The following AGMO variants were observed in gnomAD, a reference collection of about 807,000 sequenced individuals.
AGMO encodes the protein glyceryl-ether monooxygenase.
In AGMO, 75 loss-of-function variants were observed where a neutral mutation model predicts 60.2. The observed-to-expected ratio is 1.25, with a 90% CI of 1.03 to 1.51. The LOEUF is 1.51. AGMO is among the 40% of genes most tolerant of loss of function. AGMO has a pLI of 0.00. For synonymous variants in AGMO, 261 were observed against 177.1 expected, an observed-to-expected ratio of 1.47 and a Z score of -3.76; for missense variants, 763 against 525.5, an observed-to-expected ratio of 1.45 and a Z score of -4.42.
chr7:15,487,639 T>A (rs1782956331), intron 3 of AGMO, among the ~76,000 whole-genome samples: 1 of 152,136 alleles, frequency 6.6e-6, no homozygotes, highest in Non-Finnish European at 1.5e-5. Flanking sequence ...CTGAACATTA[T>A]GAAAACTAAC....
intron 12 of AGMO, among the ~76,000 whole-genome samples, chr7:15,206,849 C>T (rs544493116): frequency 2.0e-5 from 3 of 152,058 alleles, no homozygotes; most frequent in African/African-American, 4.8e-5. Flanking sequence ...AGCTGAACTC[C>T]GAAAATGGAA....
intron 12 of AGMO, among the ~76,000 whole-genome samples, chr7:15,227,204 T>G (rs971336901): frequency 2.0e-5 from 3 of 152,000 alleles, no homozygotes; most frequent in African/African-American, 7.2e-5. Context: ...CAGTCTAACA[T>G]AAGAGTATAT....
chr7:15,324,189 C>G (rs1019864449), intron 12 of AGMO, among the ~76,000 whole-genome samples: 6 of 152,182 alleles, frequency 3.9e-5, no homozygotes, highest in African/African-American at 1.4e-4. Context: ...GGCCTTCAGA[C>G]CAGGCTCTGC....
chr7:15,417,399 T>C (rs1162250599), intron 5 of AGMO, among the ~76,000 whole-genome samples: 1 of 152,152 alleles, frequency 6.6e-6, no homozygotes, highest in Non-Finnish European at 1.5e-5. Context: ...GGCACTATTG[T>C]TCTGTATCCA....
chr7:15,287,903 C>T (rs528081750), intron 12 of AGMO, among the ~76,000 whole-genome samples: 98 of 152,228 alleles, frequency 6.4e-4, no homozygotes, highest in African/African-American at 2.2e-3. Flanking sequence ...AGTCAATCAA[C>T]AGTTATGTAG....
intron 5 of AGMO, among the ~76,000 whole-genome samples, chr7:15,407,123 T>G (rs1784725386): frequency 6.8e-6 from 1 of 146,770 alleles, no homozygotes; most frequent in Non-Finnish European, 1.5e-5. Context: ...TGTACACATA[T>G]ATACCCACGT....
intron 3 of AGMO, among the ~76,000 whole-genome samples, chr7:15,477,119 T>C (rs1434974822): frequency 1.3e-5 from 2 of 148,226 alleles, no homozygotes; most frequent in African/African-American, 4.9e-5. Flanking sequence ...AGACTATTTA[T>C]TTTAGAACAT....
intron 10 of AGMO, among the ~76,000 whole-genome samples, chr7:15,379,484 T>TA (rs1783590999): frequency 1.3e-5 from 2 of 152,050 alleles, no homozygotes; most frequent in Admixed American, 1.3e-4. Flanking sequence ...TATGAACACT[T>TA]ACATGCACAT....
intron 3 of AGMO, among the ~76,000 whole-genome samples, chr7:15,454,335 G>T (rs13247567): frequency 6.6e-6 from 1 of 151,048 alleles, no homozygotes; most frequent in Non-Finnish European, 1.5e-5. Flanking sequence ...TTTCCCAAAA[G>T]AACAGATCTT....
chr7:15,179,930 T>C, the AGMO span, among the ~76,000 whole-genome samples: 1 of 152,148 alleles, frequency 6.6e-6, no homozygotes, highest in Non-Finnish European at 1.5e-5. Flanking sequence ...AGGGGTACTG[T>C]GCTAGAACGA....
intron 12 of AGMO, among the ~76,000 whole-genome samples, chr7:15,265,231 TTGAATACACA>T (rs1341855231): frequency 6.6e-6 from 1 of 151,926 alleles, no homozygotes; most frequent in Non-Finnish European, 1.5e-5. Flanking sequence ...GAGCTAAACA[TTGAATACACA>T]TGAACATAAA....
chr7:15,294,033 T>G (rs554881495), intron 12 of AGMO, among the ~76,000 whole-genome samples: 77 of 152,210 alleles, frequency 5.1e-4, no homozygotes, highest in Non-Finnish European at 9.0e-4. Flanking sequence ...AAGTAGATGT[T>G]TTAGCTCAAA....
At chr7:15,411,386 T>C (rs1349684277) in intron 5 of AGMO, among the ~76,000 whole-genome samples, 2 of 151,998 alleles carry the variant, frequency 1.3e-5, no homozygotes, top group East Asian at 3.8e-4. Context: ...GGTAAAGAAC[T>C]CCGTGCAAGT....
intron 11 of AGMO, among the ~76,000 whole-genome samples, 187 bp from the exon 12 acceptor site, chr7:15,365,806 C>A (rs1490431033): frequency 6.6e-6 from 1 of 152,002 alleles, no homozygotes; most frequent in Non-Finnish European, 1.5e-5. Flanking sequence ...TCGGGAAAAT[C>A]TGTTCTTCAT....
At chr7:15,288,860 A>ATAT (rs1199457473) in intron 12 of AGMO, among the ~76,000 whole-genome samples, 3 of 143,344 alleles carry the variant, frequency 2.1e-5, no homozygotes, top group African/African-American at 7.4e-5. Context: ...ATAAAAAAAA[A>ATAT]AAAAATATAT....
the AGMO span, among the ~76,000 whole-genome samples, chr7:15,126,300 T>C: frequency 6.6e-6 from 1 of 152,134 alleles, no homozygotes; most frequent in Non-Finnish European, 1.5e-5. Context: ...GTTTGTATAA[T>C]GGAGCCTACA....
At chr7:15,511,911 C>G (rs1247021052) in intron 3 of AGMO, among the ~76,000 whole-genome samples, 3 of 151,948 alleles carry the variant, frequency 2.0e-5, no homozygotes, top group Admixed American at 6.6e-5. Context: ...AGGAGAGAAG[C>G]CTCTTAAGGA....
At chr7:15,216,852 G>GTGTGTA (rs1225930654) in intron 12 of AGMO, among the ~76,000 whole-genome samples, 1 of 151,844 alleles carries the variant, frequency 6.6e-6, no homozygotes, top group African/African-American at 2.4e-5. Context: ...GTGTGTGTGT[G>GTGTGTA]TGTGTGTGTG....
chr7:15,338,369 G>A (rs924974328), intron 12 of AGMO, among the ~76,000 whole-genome samples: 22 of 152,074 alleles, frequency 1.4e-4, no homozygotes, highest in Non-Finnish European at 2.9e-4. Context: ...TGTAGAGAAG[G>A]ACAATATAAT....
Sources: gnomAD v4.1 joint callset for allele counts (sites outside exome capture counted in the v4.1 genomes callset) on GRCh38, gnomAD v4.1.1 for gene constraint, MANE v1.5 for transcripts, NCBI Gene and HGNC (gene_info 2026-07-23, HGNC 2026-07-21) for gene names.